The following BCAT1 variants were observed in gnomAD, a reference collection of about 807,000 sequenced individuals.
The protein encoded by BCAT1 is branched chain amino acid transaminase 1, also known as branched-chain-amino-acid aminotransferase, cytosolic.
A neutral mutation model predicts 52.4 loss-of-function variants in BCAT1; 48 were observed. The observed-to-expected ratio is 0.92, with a 90% CI of 0.73 to 1.16. The LOEUF is 1.16. Ranked by LOEUF, BCAT1 falls within the 50% of genes most tolerant of loss-of-function variation. The pLI is 0.00. For missense variants in BCAT1, 451 were observed against 457.1 expected (o/e 0.99, Z 0.12); for synonymous variants, 167 against 161.3 (o/e 1.04, Z -0.27).
intron 1 of BCAT1, among the ~76,000 whole-genome samples, chr12:24,947,167 C>CCACACACACACACACACACACACACA (rs57265449): frequency 7.1e-6 from 1 of 141,152 alleles, no homozygotes; most frequent in Non-Finnish European, 1.5e-5. Context: ...CGTCTTCCCT[C>CCACACACACACACACACACACACACA]CACACACACA....
intron 1 of BCAT1, chr12:24,904,584 C>T (rs1340656775): frequency 5.9e-5 from 9 of 152,258 alleles, no homozygotes; most frequent in Admixed American, 5.9e-4. Context: ...TCTCTAATAG[C>T]CTTCATTTTG....
chr12:24,938,647 T>A (rs997108623), intron 1 of BCAT1, among the ~76,000 whole-genome samples: 1 of 152,086 alleles, frequency 6.6e-6, no homozygotes, highest in African/African-American at 2.4e-5. Context: ...AGGTCTTCTA[T>A]GATTAGGGAA....
At chr12:24,855,794 TC>T (rs911006455) in intron 5 of BCAT1, among the ~76,000 whole-genome samples, 2 of 152,012 alleles carry the variant, frequency 1.3e-5, no homozygotes, top group African/African-American at 4.8e-5. Context: ...TTTCTTTTTT[TC>T]TTTTTTATTT....
At chr12:24,849,667 A>G in intron 6 of BCAT1, 119 bp downstream of exon 6, 1 of 1,143,164 alleles carries the variant, frequency 8.7e-7, no homozygotes, top group Non-Finnish European at 1.2e-6. Context: ...ATTAACCATG[A>G]AACACAATGA....
intron 10 of BCAT1, among the ~76,000 whole-genome samples, chr12:24,818,533 C>G (rs1250879040): frequency 6.6e-6 from 1 of 152,170 alleles, no homozygotes; most frequent in African/African-American, 2.4e-5. Flanking sequence ...GAATCAGAAT[C>G]TGGGGATGGG....
rs1939666116 is a variant in BCAT1, at chr12:24,811,173, T to C, written c.*6835A>G. On this transcript the variant is annotated 3_prime_UTR_variant, in exon 11 of 11. Coordinates refer to ENST00000261192, the MANE Select transcript of BCAT1 (RefSeq NM_005504.7). ...TCCAAATGTTTGAAAAAGAAACATATTGAATCTCTATCCAGTGGTGTGGTT... is the reference window on the plus strand; with the variant it reads ...TCCAAATGTTTGAAAAAGAAACATACTGAATCTCTATCCAGTGGTGTGGTT... 1.3e-5 allele frequency: 2 copies of C among 152,182 alleles called. No homozygotes were observed. Among genetic ancestry groups the C allele is most frequent in the Admixed American group, 6.5e-5 (1 of 15,282 alleles). 9.4% of individuals were successfully genotyped at this position (152,182 alleles called of 1,614,324 possible).
intron 1 of BCAT1, among the ~76,000 whole-genome samples, chr12:24,941,588 A>G (rs1747045874): frequency 6.6e-6 from 1 of 152,346 alleles, no homozygotes; most frequent in Non-Finnish European, 1.5e-5. Flanking sequence ...AGCACCAACA[A>G]TGGTGCAAGG....
intron 6 of BCAT1, among the ~76,000 whole-genome samples, chr12:24,848,936 G>A (rs1298413093): frequency 6.6e-6 from 1 of 152,144 alleles, no homozygotes; most frequent in Non-Finnish European, 1.5e-5. Flanking sequence ...CTACAGAGGG[G>A]TCAAAGCCAG....
At chr12:24,908,602 G>A (rs112102680) in intron 1 of BCAT1, among the ~76,000 whole-genome samples, 17 of 152,178 alleles carry the variant, frequency 1.1e-4, no homozygotes, top group African/African-American at 3.4e-4. Context: ...TTAGTTGGGC[G>A]TGGTGCCATA....
intron 8 of BCAT1, chr12:24,834,893 TCC>T: frequency 1.4e-6 from 1 of 695,274 alleles, no homozygotes; most frequent in Non-Finnish European, 1.8e-6. Flanking sequence ...TTGGACAATT[TCC>T]CCTATCTGGC....
chr12:24,853,599 AATTT>A, intron 5 of BCAT1, among the ~76,000 whole-genome samples: 1 of 152,280 alleles, frequency 6.6e-6, no homozygotes, highest in East Asian at 1.9e-4. Flanking sequence ...CTCTCACATA[AATTT>A]TTTTTAATTA....
chr12:24,854,349 T>C (rs1332793496), intron 5 of BCAT1, among the ~76,000 whole-genome samples: 1 of 151,744 alleles, frequency 6.6e-6, no homozygotes, highest in African/African-American at 2.4e-5. Context: ...AATAAGATAA[T>C]TGGAAAAGAC....
intron 6 of BCAT1, among the ~76,000 whole-genome samples, chr12:24,848,750 G>A (rs924109421): frequency 6.6e-6 from 1 of 152,204 alleles, no homozygotes; most frequent in African/African-American, 2.4e-5. Context: ...GACACAGGAA[G>A]GTGTGCTCTA....
At chr12:24,881,446 C>A (rs772866280) in intron 3 of BCAT1, 35 bp from the exon 4 acceptor site, 17 of 1,440,202 alleles carry the variant, frequency 1.2e-5, no homozygotes, top group Non-Finnish European at 1.6e-5. Context: ...TAGAGGGTAA[C>A]CAAAAGAAAA....
intron 3 of BCAT1, among the ~76,000 whole-genome samples, chr12:24,891,992 C>T (rs943699318): frequency 2.2e-4 from 34 of 151,624 alleles, no homozygotes; most frequent in Non-Finnish European, 2.1e-4. Context: ...CTCCTGACCT[C>T]GTGATCCGCC....
intron 1 of BCAT1, among the ~76,000 whole-genome samples, chr12:24,939,040 A>G (rs1943811818): frequency 6.6e-6 from 1 of 151,980 alleles, no homozygotes; most frequent in African/African-American, 2.4e-5. Context: ...CACCCAGCTA[A>G]TTTTTGTATG....
chr12:24,931,714 A>G (rs927882881), intron 1 of BCAT1, among the ~76,000 whole-genome samples: 2 of 152,246 alleles, frequency 1.3e-5, no homozygotes, highest in Admixed American at 1.3e-4. Flanking sequence ...AAAGTAGAAC[A>G]AAAAGTCAGG....
chr12:24,907,560 C>T (rs931603803), intron 1 of BCAT1, among the ~76,000 whole-genome samples: 1 of 152,088 alleles, frequency 6.6e-6, no homozygotes, highest in South Asian at 2.1e-4. Context: ...CCACCCTAAC[C>T]GATCAATTGA....
In BCAT1 at chr12:24,867,243, A is replaced by G. The variant is rs368973787; in HGVS notation, c.510+11287T>C. Among the ~76,000 whole-genome samples the G allele has an allele frequency of 1.7e-4, 26 of 152,044 alleles. 1 individual carries two copies. The South Asian group carries it at 5.2e-3, about 30-fold the overall frequency. On this transcript the variant is annotated intron_variant, in intron 5 of 10. Transcript: ENST00000261192. ...GACACCTTTAAGAACTGTAACACTT[A>G]CCGCGAGGGTCCATGGCTTCATTCT...
Sources: gnomAD v4.1 joint callset for allele counts (sites outside exome capture counted in the v4.1 genomes callset) on GRCh38, gnomAD v4.1.1 for gene constraint, MANE v1.5 for transcripts, NCBI Gene and HGNC (gene_info 2026-07-23, HGNC 2026-07-21) for gene names.